Variants in IL1RL1 observed in about 807,000 individuals in gnomAD.
IL1RL1 encodes the protein interleukin 1 receptor like 1.
A neutral mutation model predicts 50.9 loss-of-function variants in IL1RL1; 32 were observed. The observed-to-expected ratio is 0.63, with a 90% confidence interval of 0.47 to 0.84. IL1RL1 has a LOEUF of 0.84. Ranked by LOEUF, IL1RL1 falls within the 40% of genes least tolerant of loss-of-function variation. IL1RL1 has a pLI of 0.00. For synonymous variants in IL1RL1, 275 were observed against 236.0 expected, an observed-to-expected ratio of 1.17 and a Z score of -1.51; for missense variants, 773 against 662.9, an observed-to-expected ratio of 1.17 and a Z score of -1.82.
In IL1RL1 at chr2:102,343,117, G is replaced by C. The variant is rs928279716; in HGVS notation, c.764G>C (p.Gly255Ala). 2 of 1,614,074 alleles carry C rather than the reference G, an allele frequency of 1.2e-6. No homozygotes were observed. Among genetic ancestry groups the C allele is most frequent in the Non-Finnish European group, 8.5e-7 (1 of 1,179,982 alleles). ...GCTGCCGTCCTGTGGCAGCTTAATG[G>C]AACAAAAATTACAGACTTTGGTGAA... ...FLAAVLWQLN[G>A]TKITDFGEPR... is the part of the protein sequence containing the mutation. The change falls in exon 7 of 11, where the codon GGA becomes GCA. Residue 255 changes from glycine to alanine, a missense_variant. Coordinates refer to ENST00000233954, the MANE Select transcript of IL1RL1 (RefSeq NM_016232.5).
At chr2:102,324,530 G>A (rs1676933761) in intron 1 of IL1RL1, among the ~76,000 whole-genome samples, 1 of 152,198 alleles carries the variant, frequency 6.6e-6, no homozygotes. Flanking sequence ...AGAGCACTGA[G>A]CGTGAGCCAA....
intron 1 of IL1RL1, among the ~76,000 whole-genome samples, chr2:102,325,407 C>A (rs964015800): frequency 2.0e-5 from 3 of 152,248 alleles, no homozygotes; most frequent in Admixed American, 2.0e-4. Flanking sequence ...GGGGAAAAAA[C>A]AGAGCAGAAA....
intron 1 of IL1RL1, among the ~76,000 whole-genome samples, chr2:102,313,758 G>C (rs993896633): frequency 6.6e-6 from 1 of 152,210 alleles, no homozygotes; most frequent in Non-Finnish European, 1.5e-5. Flanking sequence ...CTGGTTGGGA[G>C]GATACAATGC....
intron 1 of IL1RL1, among the ~76,000 whole-genome samples, chr2:102,333,611 T>A (rs950123847): frequency 2.6e-5 from 4 of 152,188 alleles, no homozygotes; most frequent in African/African-American, 9.7e-5. Context: ...TTTGTTTTTT[T>A]AAATTTTAGA....
rs772281051 is a variant in IL1RL1 at position 102,340,201 on chromosome 2, G to GA, written c.383dup (p.Asn128LysfsTer10). ...GATGTATTCAACAGTATCTGGATCAGAAAAAAATTCCAAAATTTATTGTCC... is the reference window on the plus strand; with the variant it reads ...GATGTATTCAACAGTATCTGGATCAGAAAAAAAATTCCAAAATTTATTGTCC... On this transcript the variant is annotated frameshift_variant, in exon 4 of 11. Coordinates refer to ENST00000233954, the MANE Select transcript of IL1RL1 (RefSeq NM_016232.5). LOFTEE classifies it high-confidence loss of function. 5.0e-6 allele frequency: 8 copies of GA among 1,605,608 alleles called. No homozygotes were observed. The highest frequency in any genetic ancestry group is 6.8e-6 in the Non-Finnish European group (8 of 1,177,554).
At chr2:102,326,599 AG>A (rs1219318006) in intron 1 of IL1RL1, among the ~76,000 whole-genome samples, 1 of 152,224 alleles carries the variant, frequency 6.6e-6, no homozygotes, top group Admixed American at 6.5e-5. Flanking sequence ...TGTTATATTC[AG>A]GAAACCCATC....
intron 8 of IL1RL1, among the ~76,000 whole-genome samples, chr2:102,347,545 C>T (rs1043384879): frequency 2.0e-5 from 3 of 152,194 alleles, no homozygotes; most frequent in Non-Finnish European, 4.4e-5. Context: ...TCTCTCTGCC[C>T]AGGTGGGCAT....
At chr2:102,313,987 T>C (rs1199901157) in intron 1 of IL1RL1, among the ~76,000 whole-genome samples, 1 of 152,132 alleles carries the variant, frequency 6.6e-6, no homozygotes, top group Non-Finnish European at 1.5e-5. Context: ...AGGCAGGGCG[T>C]CTGGATTCTG....
rs1677115101 is a variant in IL1RL1 at position 102,329,582 on chromosome 2, TC to T, written c.-149-8533del. 2.0e-5 allele frequency among the ~76,000 whole-genome samples: 3 copies of T among 152,222 alleles called. No homozygotes were observed. The South Asian group carries it at 6.2e-4, about 32-fold the overall frequency. On this transcript the variant is annotated intron_variant, in intron 1 of 10. Transcript: ENST00000233954. Reference sequence around the variant, plus strand: ...ACAGAATGGGAGAAAATTTTTGCAATCTACTTATCTGACAAAGGCTAATATC... The same window carrying T: ...ACAGAATGGGAGAAAATTTTTGCAATTACTTATCTGACAAAGGCTAATATC...
intron 3 of IL1RL1, 21 bp downstream of exon 3, chr2:102,339,068 A>C (rs749055026): frequency 1.8e-5 from 28 of 1,557,078 alleles, no homozygotes; most frequent in Non-Finnish European, 2.5e-5. Flanking sequence ...GAAGGCTCCC[A>C]TCTTCTTTCA....
intron 4 of IL1RL1, 128 bp from the exon 5 acceptor site, chr2:102,340,538 A>G: frequency 1.1e-6 from 1 of 936,356 alleles, no homozygotes; most frequent in Non-Finnish European, 1.6e-6. Context: ...ACTTGAACCT[A>G]GAAGGCAGAG....
At chr2:102,325,074 C>G (rs935307175) in intron 1 of IL1RL1, among the ~76,000 whole-genome samples, 1 of 152,130 alleles carries the variant, frequency 6.6e-6, no homozygotes, top group Non-Finnish European at 1.5e-5. Context: ...CCCTGACCCC[C>G]GAGTAGCCTA....
In IL1RL1 at chr2:102,340,760, G is replaced by C. The variant is rs1479849122; in HGVS notation, c.542G>C (p.Cys181Ser). ...VMTEDAGDYT[C>S]KFIHNENGAN... ...ACTGAGGACGCAGGTGATTACACCT[G>C]TAAATTTATACACAATGAAAATGGA... Residue 181 changes from cysteine to serine, a missense_variant, in exon 5 of 11, where the codon TGT becomes TCT. Coordinates refer to ENST00000233954, the MANE Select transcript of IL1RL1 (RefSeq NM_016232.5). The C allele has an allele frequency of 6.3e-7, 1 of 1,595,742 alleles. No individual in the cohort carries two copies. The highest frequency in any genetic ancestry group is 2.3e-5 in the East Asian group (1 of 43,480).
Position 102,338,336 on chromosome 2 carries a change from CCTT to C in IL1RL1, c.61+14_61+16del. On this transcript the variant is annotated intron_variant, in intron 2 of 10. Transcript: ENST00000233954. ...CAGCAGCAAAGTTTAGTAAGTATTG[CCTT>C]CTAAGTATAATTTAAATTTTTATAA... 1 of 1,465,946 alleles carries C rather than the reference CCTT, an allele frequency of 6.8e-7. No homozygotes were observed. Among genetic ancestry groups the C allele is most frequent in the Non-Finnish European group, 9.4e-7 (1 of 1,059,804 alleles). 90.8% of individuals were successfully genotyped at this position (1,465,946 alleles called of 1,614,324 possible). A position where few individuals can be genotyped will look rare whatever the true frequency, so the allele number is the denominator to read the frequency against.
In IL1RL1 at chr2:102,323,251, A is replaced by G. The variant is rs925964088; in HGVS notation, c.-150+11628A>G. Among the ~76,000 whole-genome samples the G allele has an allele frequency of 3.6e-5, 5 of 137,800 alleles. No homozygotes were observed. In the East Asian group the frequency reaches 1.0e-3, roughly 27 times the overall value. The allele number at this position is 137,800 out of a possible 152,430, so 90.4% of individuals were successfully genotyped here. On this transcript the variant is annotated intron_variant, in intron 1 of 10. Transcript: ENST00000233954. ...TCTTTAACTTTTTGTTAGGTTTTAT[A>G]TATATATATATATATATATATAGTG...
chr2:102,343,750 T>A (rs3771175), intron 8 of IL1RL1: 174,271 of 1,207,844 alleles, frequency 0.14, 13,524 homozygotes, highest in African/African-American at 0.27. Context: ...CCAACAACCG[T>A]AAACTGAACG....
chr2:102,324,662 G>T (rs905981872), intron 1 of IL1RL1, among the ~76,000 whole-genome samples: 1 of 152,200 alleles, frequency 6.6e-6, no homozygotes, highest in Non-Finnish European at 1.5e-5. Context: ...CTAATACTGT[G>T]CTTTTCCAAT....
downstream of IL1RL1, among the ~76,000 whole-genome samples, chr2:102,352,266 C>T (rs1458873718): frequency 6.7e-6 from 1 of 149,282 alleles, no homozygotes; most frequent in East Asian, 2.0e-4. Context: ...GAATAGCAAA[C>T]TAATCATTCG....
intron 1 of IL1RL1, among the ~76,000 whole-genome samples, chr2:102,333,605 T>G (rs1254660414): frequency 6.6e-6 from 1 of 152,162 alleles, no homozygotes; most frequent in Non-Finnish European, 1.5e-5. Context: ...TGTTTGTTTG[T>G]TTTTTTAAAT....
Sources: allele counts gnomAD v4.1 joint callset (sites outside exome capture counted in the v4.1 genomes callset), GRCh38; gene constraint gnomAD v4.1.1; transcripts MANE v1.5; gene names NCBI Gene and HGNC (gene_info 2026-07-23, HGNC 2026-07-21).